The following DNAJC6 variants were observed in gnomAD, a reference collection of about 807,000 sequenced individuals.
DNAJC6 encodes auxilin.
DNAJC6 carries 34 observed loss-of-function variants against 110.0 expected under a neutral mutation model. That is an observed-to-expected ratio of 0.31 (90% CI 0.24 to 0.41). DNAJC6 has a LOEUF of 0.41. Ranked by LOEUF, DNAJC6 falls within the 10% of genes least tolerant of loss-of-function variation. DNAJC6 has a pLI of 1.00. For missense variants in DNAJC6, 1,031 were observed against 1,207.8 expected (o/e 0.85, Z 2.17); for synonymous variants, 406 against 437.2 (o/e 0.93, Z 0.89).
intron 4 of DNAJC6, among the ~76,000 whole-genome samples, chr1:65,377,218 G>T (rs1439414211): frequency 6.6e-6 from 1 of 152,216 alleles, no homozygotes; most frequent in Non-Finnish European, 1.5e-5. Flanking sequence ...TTGAACCTGG[G>T]TTTTAAAAGA....
Position 65,388,826 on chromosome 1 carries a change from C to G in DNAJC6, c.1193+411C>G, listed in dbSNP as rs530647996. 2.0e-5 allele frequency among the ~76,000 whole-genome samples: 3 copies of G among 152,298 alleles called. No individual in the cohort carries two copies. In the East Asian group the frequency reaches 5.8e-4, roughly 29 times the overall value. ...TGAAGCAGGCTTCTGGAGGACCTTT[C>G]TGCACCGACATTAACCTATCTCATA... On this transcript the variant is annotated intron_variant, in intron 9 of 18. Coordinates refer to ENST00000371069, the MANE Select transcript of DNAJC6 (RefSeq NM_001256864.2).
At chr1:65,323,898 A>G (rs1041134509) in intron 1 of DNAJC6, among the ~76,000 whole-genome samples, 1 of 152,132 alleles carries the variant, frequency 6.6e-6, no homozygotes, top group African/African-American at 2.4e-5. Flanking sequence ...GTGAGCCACC[A>G]TGCCCAGCCA....
intron 1 of DNAJC6, among the ~76,000 whole-genome samples, chr1:65,343,919 T>C (rs1005940241): frequency 6.6e-6 from 1 of 152,182 alleles, no homozygotes; most frequent in Non-Finnish European, 1.5e-5. Context: ...TGGAAAAGGC[T>C]TCAGTTTGTG....
At position 65,309,695 on chromosome 1, in the gene DNAJC6, T is replaced by G. The variant is rs1250991838; in HGVS notation, c.-51T>G. 1.0e-5 allele frequency: 16 copies of G among 1,534,670 alleles called. No homozygotes were observed. Among genetic ancestry groups the G allele is most frequent in the Non-Finnish European group, 1.4e-5 (16 of 1,140,350 alleles). ...TCTTCAGCCCTTTCCACCTTCCATC[T>G]CCCTTTTCGCTTCCCAGGTTGATTA... On this transcript the variant is annotated 5_prime_UTR_variant, in exon 1 of 19. Coordinates refer to ENST00000371069, the MANE Select transcript of DNAJC6 (RefSeq NM_001256864.2).
Position 65,309,890 on chromosome 1 carries a change from A to G in DNAJC6, c.145A>G (p.Ser49Gly), listed in dbSNP as rs1331529842. 6.5e-7 allele frequency: 1 copy of G among 1,543,374 alleles called. No homozygotes were observed. The highest frequency in any genetic ancestry group is 2.5e-5 in the East Asian group (1 of 40,148). ...QRVNAGAAARSPARQPPDRAS... is the reference protein window; with the variant it reads ...QRVNAGAAARGPARQPPDRAS... ...AGTGAACGCCGGGGCAGCGGCGCGGAGTCCCGCCCGACAGCCTCCGGACCG... is the reference window on the plus strand; with the variant it reads ...AGTGAACGCCGGGGCAGCGGCGCGGGGTCCCGCCCGACAGCCTCCGGACCG... The change falls in exon 1 of 19, where the codon AGT becomes GGT. Residue 49 changes from serine to glycine, a missense_variant. Transcript: ENST00000371069.
At chr1:65,343,406 A>G (rs1645407670) in intron 1 of DNAJC6, among the ~76,000 whole-genome samples, 1 of 152,184 alleles carries the variant, frequency 6.6e-6, no homozygotes, top group Non-Finnish European at 1.5e-5. Context: ...CTGCAGTCTG[A>G]AAGTGTTATG....
Position 65,401,813 on chromosome 1 carries a change from G to C in DNAJC6, c.2160G>C (p.Ser720=). ...KSAATSPTGS[S]HGTPTHQSKP... is the part of the protein sequence containing the mutation. ...CTGCCACCAGCCCAACCGGATCCTCGCATGGTACTCCCACCCATCAAAGCA... is the reference window on the plus strand; with the variant it reads ...CTGCCACCAGCCCAACCGGATCCTCCCATGGTACTCCCACCCATCAAAGCA... The change falls in exon 15 of 19, where the codon TCG becomes TCC. Residue 720 remains serine, a synonymous_variant. Transcript: ENST00000371069. 1 of 1,613,878 alleles carries C rather than the reference G, an allele frequency of 6.2e-7. No individual in the cohort carries two copies. Among genetic ancestry groups the C allele is most frequent in the Non-Finnish European group, 8.5e-7 (1 of 1,179,956 alleles).
Position 65,414,804 on chromosome 1 carries a change from C to A in DNAJC6, c.*1779C>A, listed in dbSNP as rs1646157190. Reference sequence around the variant, plus strand: ...TAAAATTGGAATGTGAGACATGTTGCTGTGACCTGTTTTTCTTTCTCATTC... The same window carrying A: ...TAAAATTGGAATGTGAGACATGTTGATGTGACCTGTTTTTCTTTCTCATTC... On this transcript the variant is annotated 3_prime_UTR_variant, in exon 19 of 19. Transcript: ENST00000371069. 6.6e-6 allele frequency: 1 copy of A among 152,602 alleles called. No homozygotes were observed. The highest frequency in any genetic ancestry group is 1.5e-5 in the Non-Finnish European group (1 of 68,038). The allele number at this position is 152,602 out of a possible 1,614,324, so 9.5% of individuals were successfully genotyped here.
exon 1 of DNAJC6, chr1:65,264,892 C>T: frequency 6.2e-7 from 1 of 1,612,494 alleles, no homozygotes; most frequent in Non-Finnish European, 8.5e-7. Context: ...TCATTTGCAG[C>T]AGAGGGAGGA....
chr1:65,290,831 TTAGATA>T lies in DNAJC6; in HGVS notation c.-131+25905_-131+25910del, dbSNP rs1427511264. Among the ~76,000 whole-genome samples, 5 of 152,220 alleles carry T rather than the reference TTAGATA, an allele frequency of 3.3e-5. No individual in the cohort carries two copies. The East Asian group carries it at 7.7e-4, about 23-fold the overall frequency. The stretch of plus-strand genomic sequence containing the variant: ...CATTTTCAGAGACAATTGGAGATAC[TTAGATA>T]TAGATTGGATGTTAGATGACAGTAA... On this transcript the variant is annotated intron_variant, in intron 1 of 19. Transcript: ENST00000263441.
intron 1 of DNAJC6, among the ~76,000 whole-genome samples, chr1:65,355,412 A>G (rs990957036): frequency 6.6e-6 from 1 of 152,150 alleles, no homozygotes; most frequent in Non-Finnish European, 1.5e-5. Flanking sequence ...GAAACGAGAA[A>G]GCCTGACTCA....
rs1645865288 is a variant in DNAJC6 at position 65,385,725 on chromosome 1, A to G, written c.814A>G (p.Met272Val). The stretch of plus-strand genomic sequence containing the variant: ...CTTCTGTTTCAGATACCTGGGCTAT[A>G]TGTGTGACCTACTGGCAGACAAGCC... ...SPSHRRYLGYMCDLLADKPYR... is the reference protein window; with the variant it reads ...SPSHRRYLGYVCDLLADKPYR... The change falls in exon 7 of 19, where the codon ATG (methionine) becomes GTG (valine). Residue 272 changes from methionine to valine, a missense_variant. Physicochemically the swap from Met to Val is conservative, Grantham distance 21 (BLOSUM62 1). Transcript: ENST00000371069. 1.2e-6 allele frequency: 2 copies of G among 1,609,594 alleles called. No individual in the cohort carries two copies. The highest frequency in any genetic ancestry group is 2.2e-5 in the South Asian group (2 of 90,700).
At chr1:65,358,805 G>T (rs551929790) in intron 1 of DNAJC6, among the ~76,000 whole-genome samples, 1 of 152,248 alleles carries the variant, frequency 6.6e-6, no homozygotes, top group Non-Finnish European at 1.5e-5. Context: ...TCTTGCCATG[G>T]TAAACACTAT....
chr1:65,333,509 AG>A (rs1645307284), intron 1 of DNAJC6, among the ~76,000 whole-genome samples: 1 of 152,134 alleles, frequency 6.6e-6, no homozygotes, highest in Non-Finnish European at 1.5e-5. Context: ...TGAGGCTTAA[AG>A]GGGTTAAGTG....
At chr1:65,345,047 AACAG>A (rs1570305796) in intron 1 of DNAJC6, among the ~76,000 whole-genome samples, 1 of 152,318 alleles carries the variant, frequency 6.6e-6, no homozygotes, top group African/African-American at 2.4e-5. Flanking sequence ...TTGTAAATGT[AACAG>A]ACAGTGAGTG....
chr1:65,281,402 C>A (rs1311869416), intron 1 of DNAJC6, among the ~76,000 whole-genome samples: 1 of 152,138 alleles, frequency 6.6e-6, no homozygotes, highest in East Asian at 1.9e-4. Context: ...TTCATGGAAA[C>A]CATTAATAGT....
chr1:65,265,762 A>AG (rs1653296970), intron 1 of DNAJC6, among the ~76,000 whole-genome samples: 1 of 152,010 alleles, frequency 6.6e-6, no homozygotes, highest in Non-Finnish European at 1.5e-5. Flanking sequence ...TCCCGTTTCC[A>AG]GGGGGAGCCC....
chr1:65,301,957 A>G (rs1644983161), intron 1 of DNAJC6, among the ~76,000 whole-genome samples: 1 of 151,366 alleles, frequency 6.6e-6, no homozygotes. Flanking sequence ...GACAGGTGAA[A>G]GTAGGGAGGT....
chr1:65,266,000 C>T (rs1189983335), intron 1 of DNAJC6, among the ~76,000 whole-genome samples: 2 of 152,372 alleles, frequency 1.3e-5, no homozygotes, highest in African/African-American at 4.8e-5. Flanking sequence ...TTTAAGGAGG[C>T]CCCGGCGCTT....
Sources: allele counts gnomAD v4.1 joint callset (sites outside exome capture counted in the v4.1 genomes callset), GRCh38; gene constraint gnomAD v4.1.1; transcripts MANE v1.5; gene names NCBI Gene and HGNC (gene_info 2026-07-23, HGNC 2026-07-21).